SNX21: variants seen among roughly 807,000 people sequenced by gnomAD.
SNX21 encodes the protein sorting nexin family member 21.
A neutral mutation model predicts 30.9 loss-of-function variants in SNX21; 36 were observed. The ratio of observed to expected loss-of-function variants is 1.16; its 90% CI spans 0.89 to 1.54. The LOEUF (loss-of-function observed/expected upper bound fraction) is 1.54. SNX21 is among the 40% of genes most tolerant of loss of function. SNX21 has a pLI of 0.00. For synonymous variants in SNX21, 218 were observed against 222.7 expected, an observed-to-expected ratio of 0.98 and a Z score of 0.19; for missense variants, 508 against 516.5, an observed-to-expected ratio of 0.98 and a Z score of 0.16.
At chr20:45,839,019 A>G (rs760539163) in intron 3 of SNX21, among the ~76,000 whole-genome samples, 4 of 150,888 alleles carry the variant, frequency 2.7e-5, no homozygotes, top group South Asian at 2.1e-4. Flanking sequence ...TCAGCCTCCC[A>G]AGTAGCTGGG....
At position 45,841,458 on chromosome 20, in the gene SNX21, A is replaced by G; in HGVS notation, c.*145A>G. ...CCAAAAGAGAATGTGAAGCAGATCA[A>G]GGAAACTTCTGTTGAGCTAGGCTCA... On this transcript the variant is annotated 3_prime_UTR_variant, in exon 4 of 4. Coordinates refer to ENST00000491381, the MANE Select transcript of SNX21 (RefSeq NM_033421.4). 1 of 1,424,240 alleles carries G rather than the reference A, an allele frequency of 7.0e-7. No homozygotes were observed. Among genetic ancestry groups the G allele is most frequent in the Non-Finnish European group, 9.1e-7 (1 of 1,095,196 alleles). 88.2% of individuals were successfully genotyped at this position (1,424,240 alleles called of 1,614,324 possible).
rs1057088522 is a variant in SNX21 at position 45,839,516 on chromosome 20, T to A, written c.448-1123T>A. On this transcript the variant is annotated intron_variant, in intron 3 of 3. Coordinates refer to ENST00000491381, the MANE Select transcript of SNX21 (RefSeq NM_033421.4). ...TCCAGCCTGGGCAACAGAGCGAGAC[T>A]CCGTCTCAAAAAAAATAAAAAAATA... is the stretch of plus-strand genomic sequence containing the variant. 2.0e-4 allele frequency among the ~76,000 whole-genome samples: 30 copies of A among 151,178 alleles called. 1 individual carries two copies. The highest frequency in any genetic ancestry group is 7.0e-4 in the African/African-American group (29 of 41,144).
chr20:45,837,024 G>A (rs890520313), intron 3 of SNX21, among the ~76,000 whole-genome samples: 1 of 152,182 alleles, frequency 6.6e-6, no homozygotes, highest in Non-Finnish European at 1.5e-5. Flanking sequence ...TTCCTCAGCT[G>A]TCAGAGATAA....
rs181411335 is a variant in SNX21 at position 45,837,587 on chromosome 20, A to G, written c.447+2471A>G. Among the ~76,000 whole-genome samples the G allele has an allele frequency of 5.2e-3, 790 of 152,250 alleles. 7 individuals are homozygous for G. Among genetic ancestry groups the G allele is most frequent in the African/African-American group, 0.018 (766 of 41,540 alleles). On this transcript the variant is annotated intron_variant, in intron 3 of 3. Coordinates refer to ENST00000491381, the MANE Select transcript of SNX21 (RefSeq NM_033421.4). ...CTTTTAAACCTGTTGGCTTGGCATT[A>G]TAGGTTAATCCATATTCAGGTTCTC...
At chr20:45,840,371 A>C in intron 3 of SNX21, 4 of 1,613,850 alleles carry the variant, frequency 2.5e-6, no homozygotes, top group South Asian at 2.2e-5. Flanking sequence ...GTACAAAAAA[A>C]GGGGCAGCAG....
intron 1 of SNX21, 86 bp downstream of exon 1, chr20:45,834,026 G>T: frequency 7.0e-7 from 1 of 1,421,568 alleles, no homozygotes; most frequent in South Asian, 1.5e-5. Context: ...TGAGTGGGTT[G>T]GGGGGAAAGC....
At chr20:45,836,489 T>C (rs1324478045) in intron 3 of SNX21, among the ~76,000 whole-genome samples, 1 of 16,556 alleles carries the variant, frequency 6.0e-5, no homozygotes, top group Non-Finnish European at 1.2e-4. Flanking sequence ...AGACTCCGTC[T>C]CAAAAAAAAA....
intron 2 of SNX21, 153 bp downstream of exon 2, chr20:45,834,621 A>G: frequency 9.3e-7 from 1 of 1,074,942 alleles, no homozygotes; most frequent in South Asian, 1.7e-5. Context: ...TGTGACCTTG[A>G]GAGAGTCTTA....
intron 3 of SNX21, among the ~76,000 whole-genome samples, chr20:45,836,524 G>A (rs963769722): frequency 8.3e-6 from 1 of 120,322 alleles, no homozygotes; most frequent in Non-Finnish European, 1.9e-5. Flanking sequence ...AAAATTTTGA[G>A]ACAGGGTCTC....
chr20:45,834,737 A>G (rs1304637525), intron 2 of SNX21: 1 of 666,582 alleles, frequency 1.5e-6, no homozygotes, highest in Non-Finnish European at 2.5e-6. Context: ...CCGAATGGAA[A>G]TGATGTATTA....
chr20:45,842,605 G>C lies in SNX21; in HGVS notation c.*1292G>C. The C allele has an allele frequency of 3.0e-6, 3 of 993,492 alleles. No homozygotes were observed. The highest frequency in any genetic ancestry group is 3.6e-6 in the Non-Finnish European group (3 of 834,928). 61.5% of individuals were successfully genotyped at this position (993,492 alleles called of 1,614,324 possible). A position where few individuals can be genotyped will look rare whatever the true frequency, so the allele number is the denominator to read the frequency against. On this transcript the variant is annotated 3_prime_UTR_variant, in exon 4 of 4. Transcript: ENST00000491381. ...TCTCCCTTGCTGGCTTTGGGCCCAA[G>C]TTTGATGTTTATGAGGATGATTGCT...
At chr20:45,836,335 C>CA (rs1466875935) in intron 3 of SNX21, among the ~76,000 whole-genome samples, 3 of 151,436 alleles carry the variant, frequency 2.0e-5, no homozygotes, top group African/African-American at 7.3e-5. Flanking sequence ...ACTAAAAATA[C>CA]AAAAAAATAG....
At chr20:45,836,746 G>A (rs1463780169) in intron 3 of SNX21, among the ~76,000 whole-genome samples, 1 of 152,150 alleles carries the variant, frequency 6.6e-6, no homozygotes, top group Non-Finnish European at 1.5e-5. Flanking sequence ...TAGTTCAGAG[G>A]CTGAGAGGAA....
intron 3 of SNX21, chr20:45,838,257 C>CT (rs1380980616): frequency 1.4e-5 from 2 of 144,160 alleles, no homozygotes; most frequent in Non-Finnish European, 3.0e-5. Context: ...TTTTCTTTTT[C>CT]TTTTTTTTAG....
rs1449023676 is a variant in SNX21 at position 45,834,179 on chromosome 20, C to G, written c.22-22C>G. 2.7e-6 allele frequency: 4 copies of G among 1,478,522 alleles called. No homozygotes were observed. The African/African-American group carries it at 4.3e-5, about 16-fold the overall frequency. 91.6% of individuals were successfully genotyped at this position (1,478,522 alleles called of 1,614,324 possible). ...TACCCCTCCTCCGGGATCCGGTACA[C>G]AGCGTCGCGCGCTCCCCCCAGGGTG... On this transcript the variant is annotated intron_variant, in intron 1 of 3. Coordinates refer to ENST00000491381, the MANE Select transcript of SNX21 (RefSeq NM_033421.4).
rs1267004133 is a variant in SNX21, at chr20:45,841,622, C to T, written c.*309C>T. On this transcript the variant is annotated 3_prime_UTR_variant, in exon 4 of 4. Transcript: ENST00000491381. ...TGGTGGGCCCCCAAGCTGGCAAGGC[C>T]TCTTGGCTGAAGGCCAGGGACTCTG... is the stretch of plus-strand genomic sequence containing the variant. 2.8e-6 allele frequency: 4 copies of T among 1,406,940 alleles called. No homozygotes were observed. The highest frequency in any genetic ancestry group is 1.4e-5 in the African/African-American group (1 of 69,232). The allele number at this position is 1,406,940 out of a possible 1,614,324, so 87.2% of individuals were successfully genotyped here.
chr20:45,834,318 G>A lies in SNX21; in HGVS notation c.139G>A (p.Asp47Asn), dbSNP rs775236284. ...EQFPESSELE[D>N]DDAEGLSSRL... ...GTTTCCGGAGAGCTCAGAGCTGGAG[G>A]ACGACGACGCCGAGGGCCTGTCCTC... is the stretch of plus-strand genomic sequence containing the variant. Residue 47 changes from aspartate to asparagine, a missense_variant, in exon 2 of 4, where the codon GAC (aspartate) becomes AAC (asparagine). By Grantham distance (23) the Asp-to-Asn change is conservative. Transcript: ENST00000491381. 17 of 1,598,002 alleles carry A rather than the reference G, an allele frequency of 1.1e-5. No homozygotes were observed. Among genetic ancestry groups the A allele is most frequent in the African/African-American group, 2.7e-5 (2 of 74,882 alleles).
Position 45,842,657 on chromosome 20 carries a change from A to G in SNX21, c.*1344A>G, listed in dbSNP as rs1984316283. On this transcript the variant is annotated 3_prime_UTR_variant, in exon 4 of 4. Coordinates refer to ENST00000491381, the MANE Select transcript of SNX21 (RefSeq NM_033421.4). Reference sequence around the variant, plus strand: ...GTTTCCCTTACACATAGCAGAGCTCACTCAGTTCTCACAGTAGCCAAATGA... The same window carrying G: ...GTTTCCCTTACACATAGCAGAGCTCGCTCAGTTCTCACAGTAGCCAAATGA... The G allele has an allele frequency of 2.0e-6, 2 of 990,088 alleles. No homozygotes were observed. Among genetic ancestry groups the G allele is most frequent in the South Asian group, 9.2e-5 (2 of 21,776 alleles). The allele number at this position is 990,088 out of a possible 1,614,324, so 61.3% of individuals were successfully genotyped here. A position where few individuals can be genotyped will look rare whatever the true frequency, so the allele number is the denominator to read the frequency against.
In SNX21 at chr20:45,834,269, G is replaced by C. The variant is rs1403435078; in HGVS notation, c.90G>C (p.Ala30=). 6.3e-7 allele frequency: 1 copy of C among 1,584,444 alleles called. No individual in the cohort carries two copies. Among genetic ancestry groups the C allele is most frequent in the South Asian group, 1.1e-5 (1 of 88,854 alleles). ...TGGCCGGCGACGGCCCCGGGGAGGC[G>C]GCGGCCAGTCCAGAGGCCGAGCAGT... The part of the protein sequence containing the change: ...HALAGDGPGE[A]AASPEAEQFP... Residue 30 remains alanine, a synonymous_variant, in exon 2 of 4, where the codon GCG becomes GCC. Coordinates refer to ENST00000491381, the MANE Select transcript of SNX21 (RefSeq NM_033421.4).
Sources: gnomAD v4.1 joint callset for allele counts (sites outside exome capture counted in the v4.1 genomes callset) on GRCh38, gnomAD v4.1.1 for gene constraint, MANE v1.5 for transcripts, NCBI Gene and HGNC (gene_info 2026-07-23, HGNC 2026-07-21) for gene names.